Variants in SLC22A5 observed in about 807,000 individuals in gnomAD.
The protein encoded by SLC22A5 is solute carrier family 22 member 5.
SLC22A5 carries 44 observed loss-of-function variants against 56.7 expected under a neutral mutation model. The observed-to-expected ratio is 0.78, with a 90% CI of 0.61 to 1.00. The LOEUF (loss-of-function observed/expected upper bound fraction) is 1.00. Among genes scored for constraint, SLC22A5 ranks in the 50% least tolerant of loss-of-function variants. The pLI, the probability that SLC22A5 is intolerant of heterozygous loss-of-function variation, is 0.00. For synonymous variants in SLC22A5, 278 were observed against 292.1 expected (o/e 0.95, Z 0.49); for missense variants, 675 against 723.0 (o/e 0.93, Z 0.76).
At chr5:132,380,469 G>A (rs548859421) in intron 2 of SLC22A5, 7 of 151,630 alleles carry the variant, frequency 4.6e-5, no homozygotes, top group Admixed American at 2.0e-4. Flanking sequence ...TGACAACCTT[G>A]TGAAGAAAGA....
At chr5:132,374,657 C>G (rs1752068886) in intron 1 of SLC22A5, among the ~76,000 whole-genome samples, 1 of 152,062 alleles carries the variant, frequency 6.6e-6, no homozygotes, top group Admixed American at 6.5e-5. Context: ...GTAGACACAT[C>G]TGGCCATGAG....
Position 132,370,276 on chromosome 5 carries a change from G to T in SLC22A5, c.304G>T (p.Asp102Tyr). The change falls in exon 1 of 10, where the codon GAC (aspartate) becomes TAC (tyrosine). Residue 102 changes from aspartate to tyrosine, a missense_variant. Coordinates refer to ENST00000245407, the MANE Select transcript of SLC22A5 (RefSeq NM_003060.4). The part of the protein sequence containing the change: ...FSALGLEPGR[D>Y]VDLGQLEQES... ...GGCGCTTGGGCTGGAGCCGGGGCGC[G>T]ACGTGGACCTGGGGCAGCTGGAGCA... The T allele has an allele frequency of 6.2e-7, 1 of 1,601,084 alleles. No individual in the cohort carries two copies. The highest frequency in any genetic ancestry group is 8.5e-7 in the Non-Finnish European group (1 of 1,174,590).
rs1473055892 is a variant in SLC22A5, at chr5:132,388,952, C to G, written c.983C>G (p.Ser328Cys). 6.2e-7 allele frequency: 1 copy of G among 1,613,546 alleles called. No individual in the cohort carries two copies. The highest frequency in any genetic ancestry group is 1.3e-5 in the African/African-American group (1 of 74,912). Residue 328 changes from serine (S) to cysteine (C), a missense_variant, in exon 6 of 10, where the codon TCC becomes TGC. Transcript: ENST00000245407. Reference sequence around the variant, plus strand: ...GACCTAAGTTCCAAGAAGCAGCAGTCCCACAACATTCTGGATCTGCTTCGA... The same window carrying G: ...GACCTAAGTTCCAAGAAGCAGCAGTGCCACAACATTCTGGATCTGCTTCGA... Reference protein sequence around the residue: ...LQDLSSKKQQSHNILDLLRTW... With the variant: ...LQDLSSKKQQCHNILDLLRTW...
intron 1 of SLC22A5, among the ~76,000 whole-genome samples, chr5:132,373,655 TAATA>T (rs779223508): frequency 3.9e-5 from 6 of 152,076 alleles, no homozygotes; most frequent in Non-Finnish European, 8.8e-5. Context: ...ATAATAATAT[TAATA>T]AATAAAAATG....
chr5:132,381,802 G>A (rs1386278617), intron 2 of SLC22A5: 2 of 152,164 alleles, frequency 1.3e-5, no homozygotes, highest in Non-Finnish European at 1.5e-5. Context: ...GACTTTAAAA[G>A]CAAACATTTC....
At chr5:132,390,247 ATGT>A (rs1005462781) in intron 6 of SLC22A5, 2 of 319,122 alleles carry the variant, frequency 6.3e-6, no homozygotes, top group African/African-American at 4.3e-5. Context: ...GTTTGACCTA[ATGT>A]TGTTCCTTTT....
Position 132,388,974 on chromosome 5 carries a change from T to G in SLC22A5, c.1005T>G (p.Leu335=). The part of the protein sequence containing the change: ...KQQSHNILDL[L]RTWNIRMVTI... The stretch of plus-strand genomic sequence containing the variant: ...AGTCCCACAACATTCTGGATCTGCT[T>G]CGAACCTGGAATATCCGGATGGTCA... Residue 335 remains leucine, a synonymous_variant, in exon 6 of 10, where the codon CTT becomes CTG. Transcript: ENST00000245407. 2 of 1,614,050 alleles carry G rather than the reference T, an allele frequency of 1.2e-6. No individual in the cohort carries two copies. Among genetic ancestry groups the G allele is most frequent in the Non-Finnish European group, 1.7e-6 (2 of 1,179,908 alleles).
rs1752679929 is a variant in SLC22A5, at chr5:132,390,980, AAG to A, written c.1267+80_1267+81del. 1.2e-5 allele frequency: 14 copies of A among 1,213,656 alleles called. No homozygotes were observed. In the South Asian group the frequency reaches 1.8e-4, roughly 15 times the overall value. 75.2% of individuals were successfully genotyped at this position (1,213,656 alleles called of 1,614,324 possible). A position where few individuals can be genotyped will look rare whatever the true frequency, so the allele number is the denominator to read the frequency against. ...GTCTACCAGGCTGTCTCAATTAATA[AAG>A]AGAATAAAATCAAGCCCATCACAGC... On this transcript the variant is annotated intron_variant, in intron 7 of 9. Coordinates refer to ENST00000245407, the MANE Select transcript of SLC22A5 (RefSeq NM_003060.4).
intron 1 of SLC22A5, 117 bp from the exon 2 acceptor site, chr5:132,378,261 T>C (rs755153448): frequency 2.5e-6 from 4 of 1,613,914 alleles, no homozygotes; most frequent in Non-Finnish European, 2.5e-6. Flanking sequence ...ACTAAGTGAG[T>C]TCACACTCAG....
At chr5:132,370,953 C>CTTTTTTTTTTTTTTTTTTTTTTT (rs750736082) in intron 1 of SLC22A5, among the ~76,000 whole-genome samples, 1 of 133,786 alleles carries the variant, frequency 7.5e-6, no homozygotes, top group African/African-American at 2.7e-5. Flanking sequence ...AGTTGTCAGT[C>CTTTTTTTTTTTTTTTTTTTTTTT]TTTTTTTTTT....
intron 7 of SLC22A5, among the ~76,000 whole-genome samples, chr5:132,391,308 C>T (rs1272701872): frequency 6.6e-6 from 1 of 152,080 alleles, no homozygotes; most frequent in East Asian, 1.9e-4. Flanking sequence ...CACAAGAAAA[C>T]AAGCCAGGCA....
chr5:132,385,654 A>G (rs1580886358), intron 4 of SLC22A5, among the ~76,000 whole-genome samples, 155 bp downstream of exon 4: 1 of 152,388 alleles, frequency 6.6e-6, no homozygotes, highest in Admixed American at 6.5e-5. Flanking sequence ...TCCACACTCA[A>G]AAGAGCCAAA....
At chr5:132,375,668 T>C (rs922547151) in intron 1 of SLC22A5, among the ~76,000 whole-genome samples, 4 of 152,220 alleles carry the variant, frequency 2.6e-5, no homozygotes, top group African/African-American at 9.7e-5. Flanking sequence ...AAACTGCATG[T>C]AGCTAAAGCA....
chr5:132,387,374 G>A (rs918619709), intron 5 of SLC22A5, among the ~76,000 whole-genome samples: 1 of 141,802 alleles, frequency 7.1e-6, no homozygotes, highest in Non-Finnish European at 1.5e-5. Flanking sequence ...TTTTCACCAC[G>A]GGTTTCAGAT....
In SLC22A5 at chr5:132,370,051, G is replaced by C; in HGVS notation, c.79G>C (p.Ala27Pro). The change falls in exon 1 of 10, where the codon GCC becomes CCC. Residue 27 changes from alanine (A) to proline (P), a missense_variant. Physicochemically the swap from Ala to Pro is conservative, Grantham distance 27 (BLOSUM62 -1). Coordinates refer to ENST00000245407, the MANE Select transcript of SLC22A5 (RefSeq NM_003060.4). ...GCGCCTCATCTTCTTCCTGCTCAGC[G>C]CCAGCATCATCCCCAATGGCTTCAC... ...FQRLIFFLLS[A>P]SIIPNGFTGL... The C allele has an allele frequency of 6.2e-7, 1 of 1,613,352 alleles. No homozygotes were observed. The highest frequency in any genetic ancestry group is 8.5e-7 in the Non-Finnish European group (1 of 1,179,744).
rs1580888136 is a variant in SLC22A5, at chr5:132,387,044, C to CG, written c.845dup (p.Trp283MetfsTer9). ...TGCCAGGTTCATCCCTGAGTCCCCCCGATGGCTCATCTCTCAGGGACGATT... is the reference window on the plus strand; with the variant it reads ...TGCCAGGTTCATCCCTGAGTCCCCCCGGATGGCTCATCTCTCAGGGACGATT... On this transcript the variant is annotated frameshift_variant, in exon 5 of 10. Transcript: ENST00000245407. LOFTEE classifies it high-confidence loss of function. 1.9e-6 allele frequency: 3 copies of CG among 1,613,972 alleles called. No individual in the cohort carries two copies. The highest frequency in any genetic ancestry group is 2.5e-6 in the Non-Finnish European group (3 of 1,179,980).
At position 132,394,186 on chromosome 5, in the gene SLC22A5, A is replaced by G. The variant is rs11568524; in HGVS notation, c.1588A>G (p.Met530Val). Reference protein sequence around the residue: ...TIDQMLRVKGMKHRKTPSHTR... With the variant: ...TIDQMLRVKGVKHRKTPSHTR... ...ACATATTTTTGCTTGTTTTTATAGAATGAAACACAGAAAAACTCCAAGTCA... is the reference window on the plus strand; with the variant it reads ...ACATATTTTTGCTTGTTTTTATAGAGTGAAACACAGAAAAACTCCAAGTCA... The change falls in exon 10 of 10, where the codon ATG becomes GTG. Residue 530 changes from methionine (M) to valine (V), a missense_variant and splice_region_variant. Transcript: ENST00000245407. 1.1e-5 allele frequency: 17 copies of G among 1,609,136 alleles called. No individual in the cohort carries two copies. The East Asian group carries it at 1.8e-4, about 17-fold the overall frequency.
At chr5:132,370,951 G>GTATTTTTTT (rs757040799) in intron 1 of SLC22A5, among the ~76,000 whole-genome samples, 1 of 101,126 alleles carries the variant, frequency 9.9e-6, no homozygotes, top group Non-Finnish European at 2.2e-5. Flanking sequence ...TCAGTTGTCA[G>GTATTTTTTT]TCTTTTTTTT....
rs746480923 is a variant in SLC22A5 at position 132,369,950 on chromosome 5, C to T, written c.-23C>T. On this transcript the variant is annotated 5_prime_UTR_variant, in exon 1 of 10. Coordinates refer to ENST00000245407, the MANE Select transcript of SLC22A5 (RefSeq NM_003060.4). ...CCGCGTTCCCCGACCCCAGGCCGCG[C>T]TCTGTGGGCCTCTGAGGGCGGCATG... 3.7e-6 allele frequency: 6 copies of T among 1,611,378 alleles called. No homozygotes were observed. In the East Asian group the frequency reaches 1.3e-4, roughly 36 times the overall value.
Sources: gnomAD v4.1 joint callset for allele counts (sites outside exome capture counted in the v4.1 genomes callset) on GRCh38, gnomAD v4.1.1 for gene constraint, MANE v1.5 for transcripts, NCBI Gene and HGNC (gene_info 2026-07-23, HGNC 2026-07-21) for gene names.